NDEL1: variants seen among roughly 807,000 people sequenced by gnomAD.
NDEL1 encodes nudE neurodevelopment protein 1 like 1.
In NDEL1, 9 loss-of-function variants were observed where a neutral mutation model predicts 45.7. The observed-to-expected ratio is 0.20, with a 90% CI of 0.12 to 0.34. NDEL1 has a LOEUF of 0.34. NDEL1 is among the 10% of genes least tolerant of loss of function. The pLI is 1.00. For synonymous variants in NDEL1, 133 were observed against 158.6 expected, an observed-to-expected ratio of 0.84 and a Z score of 1.21; for missense variants, 306 against 406.2, an observed-to-expected ratio of 0.75 and a Z score of 2.12.
intron 5 of NDEL1, among the ~76,000 whole-genome samples, chr17:8,450,305 G>C (rs11078752): frequency 0.96 from 144,038 of 149,990 alleles, 69,443 homozygotes; most frequent in East Asian, 1. Flanking sequence ...AAAAAAAAAC[G>C]CTCAATATTT....
rs1268996124 is a variant in NDEL1, at chr17:8,436,057, G to T, written c.-13+12G>T. The T allele has an allele frequency of 2.3e-6, 1 of 429,600 alleles. No homozygotes were observed. The highest frequency in any genetic ancestry group is 9.1e-5 in the East Asian group (1 of 10,970). The allele number at this position is 429,600 out of a possible 1,614,324, so 26.6% of individuals were successfully genotyped here. A position where few individuals can be genotyped will look rare whatever the true frequency, so the allele number is the denominator to read the frequency against. On this transcript the variant is annotated intron_variant, in intron 1 of 8. Transcript: ENST00000334527. ...TTGACACATTGGAGGTGAGCCTGCA[G>T]CGCGGGGCCGCTCCCTAAGGGGCTG... is the stretch of plus-strand genomic sequence containing the variant.
At chr17:8,417,806 A>G (rs987080895) in intron 1 of NDEL1, among the ~76,000 whole-genome samples, 2 of 152,134 alleles carry the variant, frequency 1.3e-5, no homozygotes, top group African/African-American at 4.8e-5. Flanking sequence ...CTGCCCTCGG[A>G]TGTGTCCAGT....
At chr17:8,415,102 TCCTCCCTC>T (rs143550449) in intron 1 of NDEL1, among the ~76,000 whole-genome samples, 51,316 of 148,828 alleles carry the variant, frequency 0.34, 9,522 homozygotes, top group Middle Eastern at 0.42. Flanking sequence ...CTTCCTTTCT[TCCTCCCTC>T]CCTCCCTCCC....
chr17:8,463,243 G>A (rs895257073), intron 8 of NDEL1: 3 of 1,171,862 alleles, frequency 2.6e-6, no homozygotes, highest in South Asian at 1.3e-5. Flanking sequence ...GTGTAGGTGG[G>A]CATGGACTAA....
intron 6 of NDEL1, among the ~76,000 whole-genome samples, chr17:8,452,740 C>CTTTTTTTTTTTTTTT: frequency 1.0e-5 from 1 of 95,594 alleles, no homozygotes; most frequent in Non-Finnish European, 2.0e-5. Flanking sequence ...TTTTTCTTCT[C>CTTTTTTTTTTTTTTT]TTTTTTTTTT....
intron 8 of NDEL1, among the ~76,000 whole-genome samples, chr17:8,464,056 A>G (rs924020923): frequency 6.6e-6 from 1 of 152,066 alleles, no homozygotes; most frequent in Non-Finnish European, 1.5e-5. Context: ...TAATGTTTCC[A>G]TCCTTCATCT....
At chr17:8,463,433 GTT>G in intron 8 of NDEL1, 1 of 1,411,232 alleles carries the variant, frequency 7.1e-7, no homozygotes, top group Non-Finnish European at 1.0e-6. Context: ...TAACAATCTG[GTT>G]TTACTAACTG....
At chr17:8,448,894 G>A (rs1352387092) in intron 5 of NDEL1, among the ~76,000 whole-genome samples, 1 of 152,172 alleles carries the variant, frequency 6.6e-6, no homozygotes, top group South Asian at 2.1e-4. Context: ...TTTGGTGTAG[G>A]TGGGGGTCCT....
intron 7 of NDEL1, among the ~76,000 whole-genome samples, chr17:8,456,024 C>T (rs1244620515): frequency 6.6e-6 from 1 of 152,200 alleles, no homozygotes; most frequent in African/African-American, 2.4e-5. Flanking sequence ...GTGAGTTTTA[C>T]CTCTCCTTTC....
At position 8,465,788 on chromosome 17, in the gene NDEL1, A is replaced by G. The variant is rs1170545978; in HGVS notation, c.945-1142A>G. On this transcript the variant is annotated intron_variant, in intron 8 of 8. Transcript: ENST00000334527. This position sits in a 1 kb window ranked among gnomAD's most constrained non-coding sequence, Gnocchi z 4.9. ...TATCTCCCAAATTGCTAGTGGGACA[A>G]ATTTTCCTAGGAAGCGTTTCAAGGT... is the stretch of plus-strand genomic sequence containing the variant. The G allele has an allele frequency of 2.0e-5, 3 of 152,172 alleles. No individual in the cohort carries two copies. Among genetic ancestry groups the G allele is most frequent in the Admixed American group, 6.5e-5 (1 of 15,282 alleles). The allele number at this position is 152,172 out of a possible 1,614,324, so 9.4% of individuals were successfully genotyped here. A position where few individuals can be genotyped will look rare whatever the true frequency, so the allele number is the denominator to read the frequency against.
chr17:8,472,336 G>A (rs1911860099), downstream of NDEL1, among the ~76,000 whole-genome samples: 1 of 152,172 alleles, frequency 6.6e-6, no homozygotes, highest in Non-Finnish European at 1.5e-5. Flanking sequence ...GGAATTGGAA[G>A]TGTCCCCTCA....
intron 7 of NDEL1, among the ~76,000 whole-genome samples, chr17:8,459,178 T>G (rs1404706182): frequency 2.0e-5 from 3 of 152,174 alleles, no homozygotes; most frequent in Non-Finnish European, 2.9e-5. Flanking sequence ...ACATGAATTG[T>G]GTATATATAT....
At chr17:8,463,376 GCT>G (rs1911353908) in intron 8 of NDEL1, 6 of 1,610,098 alleles carry the variant, frequency 3.7e-6, no homozygotes, top group Non-Finnish European at 5.1e-6. Flanking sequence ...TGTTTGCTGT[GCT>G]CTTTTTCATT....
intron 1 of NDEL1, among the ~76,000 whole-genome samples, chr17:8,414,320 G>A (rs1908491932): frequency 6.6e-6 from 1 of 152,178 alleles, no homozygotes; most frequent in African/African-American, 2.4e-5. Flanking sequence ...ATTGCTAGGT[G>A]AAAGGTTGTA....
At chr17:8,460,891 A>G (rs1911155043) in intron 8 of NDEL1, among the ~76,000 whole-genome samples, 1 of 152,128 alleles carries the variant, frequency 6.6e-6, no homozygotes. Context: ...TTCTATTGCC[A>G]TTATCTTTCC....
At chr17:8,428,163 A>G (rs181158677) in intron 1 of NDEL1, among the ~76,000 whole-genome samples, 1 of 152,088 alleles carries the variant, frequency 6.6e-6, no homozygotes, top group East Asian at 1.9e-4. Context: ...TAAGCTAATT[A>G]TATTGGGTAG....
chr17:8,470,252 C>T (rs1206896021), downstream of NDEL1, among the ~76,000 whole-genome samples: 4 of 152,042 alleles, frequency 2.6e-5, no homozygotes, highest in African/African-American at 4.8e-5. The surrounding 1 kb of genome is among the most constrained non-coding windows in gnomAD (Gnocchi z 4.2). Flanking sequence ...CTGGAGCTGC[C>T]GGGTACCTGG....
At chr17:8,435,681 CAGCCGGTCGCAG>C (rs887432609), upstream of NDEL1, among the ~76,000 whole-genome samples, 3 of 152,252 alleles carry the variant, frequency 2.0e-5, no homozygotes, top group Admixed American at 2.0e-4. Flanking sequence ...AAGCCAAAAC[CAGCCGGTCGCAG>C]AGTCCAGGAG....
Position 8,467,283 on chromosome 17 carries a change from T to C in NDEL1, c.*260T>C. The C allele has an allele frequency of 1.7e-6, 1 of 578,478 alleles. No homozygotes were observed. Among genetic ancestry groups the C allele is most frequent in the Admixed American group, 3.3e-5 (1 of 30,620 alleles). 35.8% of individuals were successfully genotyped at this position (578,478 alleles called of 1,614,324 possible). A position where few individuals can be genotyped will look rare whatever the true frequency, so the allele number is the denominator to read the frequency against. ...TGCACTTTTGTGGGTCGCAAGGTGA[T>C]ACATACGTGTATTACTTGGTCACTG... is the stretch of plus-strand genomic sequence containing the variant. On this transcript the variant is annotated 3_prime_UTR_variant, in exon 9 of 9. Transcript: ENST00000334527. This position sits in a 1 kb window ranked among gnomAD's most constrained non-coding sequence, Gnocchi z 6.3.
Sources: allele counts gnomAD v4.1 joint callset (sites outside exome capture counted in the v4.1 genomes callset), GRCh38; gene constraint gnomAD v4.1.1; non-coding constraint Gnocchi (gnomAD v3.1); transcripts MANE v1.5; gene names NCBI Gene and HGNC (gene_info 2026-07-23, HGNC 2026-07-21).